Variants in STAT5B observed in about 807,000 individuals in gnomAD.
STAT5B encodes signal transducer and activator of transcription 5B.
A neutral mutation model predicts 107.8 loss-of-function variants in STAT5B; 21 were observed. The ratio of observed to expected loss-of-function variants is 0.19; its 90% CI spans 0.14 to 0.28. The LOEUF (loss-of-function observed/expected upper bound fraction) is 0.28. STAT5B is among the 10% of genes least tolerant of loss of function. The probability of loss-of-function intolerance (pLI) is 1.00; values close to 1 mark genes in which losing one functional copy is unlikely to be tolerated. For synonymous variants in STAT5B, 325 were observed against 401.7 expected, an observed-to-expected ratio of 0.81 and a Z score of 2.28; for missense variants, 565 against 1,008.2, an observed-to-expected ratio of 0.56 and a Z score of 5.95.
chr17:42,213,421 G>A (rs1370165111), intron 12 of STAT5B, among the ~76,000 whole-genome samples: 1 of 152,080 alleles, frequency 6.6e-6, no homozygotes, highest in Non-Finnish European at 1.5e-5. Flanking sequence ...TGACAAGGCT[G>A]GCCTCAAATT....
At chr17:42,219,976 T>G in intron 5 of STAT5B, 134 bp from the exon 6 acceptor site, 1 of 1,456,604 alleles carries the variant, frequency 6.9e-7, no homozygotes, top group Non-Finnish European at 9.2e-7. Flanking sequence ...TCGGGGTTCC[T>G]GACAGCCAGG....
At chr17:42,213,675 G>A (rs2080147386) in intron 12 of STAT5B, among the ~76,000 whole-genome samples, 1 of 151,320 alleles carries the variant, frequency 6.6e-6, no homozygotes, top group Non-Finnish European at 1.5e-5. Context: ...TCATAGGCAC[G>A]CACCACCACG....
the STAT5B span, among the ~76,000 whole-genome samples, chr17:42,284,545 G>T: frequency 2.6e-5 from 4 of 152,230 alleles, no homozygotes; most frequent in African/African-American, 9.6e-5. Context: ...GGGACTACAG[G>T]CGTGAGCCAC....
intron 12 of STAT5B, chr17:42,214,511 T>C (rs2080155197): frequency 2.0e-6 from 2 of 985,428 alleles, no homozygotes; most frequent in Non-Finnish European, 2.4e-6. Context: ...GAAGGTTCCA[T>C]TTCACCTTCT....
intron 1 of STAT5B, chr17:42,233,861 T>G (rs1181356471): frequency 1.3e-5 from 2 of 152,126 alleles, no homozygotes; most frequent in Non-Finnish European, 2.9e-5. Context: ...GATGCCCCCC[T>G]CAGACTCACC....
At chr17:42,213,550 C>G (rs1488684786) in intron 12 of STAT5B, among the ~76,000 whole-genome samples, 1 of 150,258 alleles carries the variant, frequency 6.7e-6, no homozygotes, top group Non-Finnish European at 1.5e-5. Context: ...TTTTTTGAGA[C>G]AGAGTCTCAC....
intron 1 of STAT5B, among the ~76,000 whole-genome samples, chr17:42,259,954 C>T (rs572283772): frequency 2.0e-5 from 3 of 152,162 alleles, no homozygotes; most frequent in East Asian, 1.9e-4. Context: ...CTGCACCAAG[C>T]GACCCTATTT....
At chr17:42,246,933 T>C (rs754645855) in intron 1 of STAT5B, among the ~76,000 whole-genome samples, 3 of 152,202 alleles carry the variant, frequency 2.0e-5, no homozygotes, top group Non-Finnish European at 4.4e-5. Context: ...ACCTCAGCTG[T>C]TGGTTCCTAA....
Position 42,219,847 on chromosome 17 carries a change from A to G in STAT5B, c.551-5T>C, listed in dbSNP as rs200299299. 4,422 of 1,614,160 alleles carry G rather than the reference A, an allele frequency of 2.7e-3. 10 individuals carry two copies. The highest frequency in any genetic ancestry group is 3.4e-3 in the Non-Finnish European group (4,023 of 1,180,016). ...GGGCCAGCGGGCCAAACTGAGCTAG[A>G]GGAGGGGAGAGGAAACCATGACCAT... is the stretch of plus-strand genomic sequence containing the variant. On this transcript the variant is annotated splice_region_variant and splice_polypyrimidine_tract_variant and intron_variant, in intron 5 of 18. Transcript: ENST00000293328.
chr17:42,252,204 C>T (rs190532718), intron 1 of STAT5B, among the ~76,000 whole-genome samples: 3 of 152,060 alleles, frequency 2.0e-5, no homozygotes, highest in Admixed American at 2.0e-4. Flanking sequence ...GACAAGGATG[C>T]CTGGCAGTTC....
At chr17:42,278,993 T>A (rs539336005), upstream of STAT5B, among the ~76,000 whole-genome samples, 1,121 of 129,216 alleles carry the variant, frequency 8.7e-3, 6 homozygotes, top group Middle Eastern at 0.049. Context: ...AAAAAAAAAA[T>A]ATTTGTAAAG....
chr17:42,256,943 A>G (rs1180748534), intron 1 of STAT5B, among the ~76,000 whole-genome samples: 1 of 150,852 alleles, frequency 6.6e-6, no homozygotes. Context: ...TACTGTGCCT[A>G]ATTTATAAAT....
chr17:42,248,835 C>T lies in STAT5B; in HGVS notation c.-10-16698G>A, dbSNP rs576571934. ...CAAACAGAAAGCAGCGAATTCTTGC[C>T]AACTTCCCCTCCTGCTTCTGCAGCT... On this transcript the variant is annotated intron_variant, in intron 1 of 18. Transcript: ENST00000293328. Among the ~76,000 whole-genome samples the T allele has an allele frequency of 4.6e-5, 7 of 152,336 alleles. No homozygotes were observed. In the South Asian group the frequency reaches 1.0e-3, roughly 23 times the overall value.
At chr17:42,231,660 A>G (rs1029955288) in intron 2 of STAT5B, among the ~76,000 whole-genome samples, 1 of 152,100 alleles carries the variant, frequency 6.6e-6, no homozygotes, top group African/African-American at 2.4e-5. Context: ...AAATTCTACT[A>G]CTTAGGACAC....
chr17:42,207,889 A>G (rs1031952405), intron 15 of STAT5B, among the ~76,000 whole-genome samples, 161 bp from the exon 16 acceptor site: 10 of 152,130 alleles, frequency 6.6e-5, no homozygotes, highest in Non-Finnish European at 4.4e-5. Context: ...ACTTTTATTT[A>G]TTTACTTACT....
intron 1 of STAT5B, among the ~76,000 whole-genome samples, chr17:42,238,451 CTTT>C (rs75642417): frequency 3.2e-5 from 4 of 124,828 alleles, no homozygotes; most frequent in Admixed American, 1.6e-4. Context: ...TGTGCCTGGC[CTTT>C]TTTTTTTTTT....
rs763027339 is a variant in STAT5B at position 42,210,305 on chromosome 17, G to T, written c.1776-4C>A. ...GTTTACAAACCCCAAAATGGCCCTG[G>T]ATCACCAAGGACAAAGGACAGAAGC... On this transcript the variant is annotated splice_polypyrimidine_tract_variant and splice_region_variant and intron_variant, in intron 14 of 18. Transcript: ENST00000293328. 2 of 1,614,128 alleles carry T rather than the reference G, an allele frequency of 1.2e-6. No individual in the cohort carries two copies. Among genetic ancestry groups the T allele is most frequent in the Admixed American group, 1.7e-5 (1 of 60,010 alleles).
At chr17:42,258,116 T>G (rs2080562632) in intron 1 of STAT5B, among the ~76,000 whole-genome samples, 3 of 152,200 alleles carry the variant, frequency 2.0e-5, no homozygotes, top group Admixed American at 2.0e-4. Context: ...TTGTTTCCCT[T>G]TATGGAAATC....
chr17:42,253,385 C>T (rs1363964319), intron 1 of STAT5B, among the ~76,000 whole-genome samples: 1 of 152,126 alleles, frequency 6.6e-6, no homozygotes, highest in Non-Finnish European at 1.5e-5. Context: ...TAAAGAAAAC[C>T]AAAGTAAGTG....
Sources: gnomAD v4.1 joint callset for allele counts (sites outside exome capture counted in the v4.1 genomes callset) on GRCh38, gnomAD v4.1.1 for gene constraint, MANE v1.5 for transcripts, NCBI Gene and HGNC (gene_info 2026-07-23, HGNC 2026-07-21) for gene names.